The following FAM3D variants were observed in gnomAD, a reference collection of about 807,000 sequenced individuals.
FAM3D encodes the protein FAM3 metabolism regulating signaling molecule D, also known as protein FAM3D.
Under a neutral mutation model 29.8 loss-of-function variants are expected in FAM3D, and 26 were observed. That is an observed-to-expected ratio of 0.87 (90% confidence interval 0.64 to 1.21). The LOEUF (loss-of-function observed/expected upper bound fraction) is 1.21, where lower values mean the gene tolerates loss of function less well. FAM3D is among the 50% of genes most tolerant of loss of function. The probability of loss-of-function intolerance (pLI) is 0.00; values close to 1 mark genes in which losing one functional copy is unlikely to be tolerated. For missense variants in FAM3D, 253 were observed against 290.9 expected, an observed-to-expected ratio of 0.87 and a Z score of 0.95; for synonymous variants, 115 against 102.3, an observed-to-expected ratio of 1.12 and a Z score of -0.75.
At chr3:58,637,057 A>G (rs2066191170) in intron 8 of FAM3D, 84 bp downstream of exon 8, 5 of 1,198,796 alleles carry the variant, frequency 4.2e-6, no homozygotes, top group South Asian at 1.3e-5. Flanking sequence ...TGGATCTGGC[A>G]AAAGAGCAGA....
At chr3:58,645,837 C>G (rs2066463332) in intron 4 of FAM3D, among the ~76,000 whole-genome samples, 1 of 152,228 alleles carries the variant, frequency 6.6e-6, no homozygotes, top group Non-Finnish European at 1.5e-5. Flanking sequence ...GCACACAGGA[C>G]CAGCCCAGAA....
chr3:58,654,259 G>A (rs1202604602), intron 2 of FAM3D, among the ~76,000 whole-genome samples: 1 of 152,222 alleles, frequency 6.6e-6, no homozygotes, highest in Admixed American at 6.5e-5. Context: ...TCTCTGAGCT[G>A]AAGTCCTTCA....
intron 1 of FAM3D, among the ~76,000 whole-genome samples, 167 bp downstream of exon 1, chr3:58,666,409 C>CA (rs2067032832): frequency 6.6e-6 from 1 of 152,170 alleles, no homozygotes; most frequent in Non-Finnish European, 1.5e-5. Context: ...CTTCCTGAGT[C>CA]TGATCTCAGG....
At chr3:58,647,790 C>T (rs1559501634) in intron 4 of FAM3D, among the ~76,000 whole-genome samples, 1 of 152,194 alleles carries the variant, frequency 6.6e-6, no homozygotes, top group African/African-American at 2.4e-5. Context: ...AACCCTTGTG[C>T]TGTTGCTCAG....
At chr3:58,649,378 C>G (rs530287133) in intron 3 of FAM3D, 40 bp from the exon 4 acceptor site, 1 of 1,612,274 alleles carries the variant, frequency 6.2e-7, no homozygotes, top group East Asian at 2.2e-5. Context: ...AAAAGCACTT[C>G]GGACCCTCCT....
chr3:58,641,369 C>CT lies in FAM3D; in HGVS notation c.323-1193dup, dbSNP rs879476790. Among the ~76,000 whole-genome samples the CT allele has an allele frequency of 3.6e-3, 519 of 144,702 alleles. 4 individuals are homozygous for CT. Among genetic ancestry groups the CT allele is most frequent in the African/African-American group, 0.01 (411 of 39,618 alleles). 94.9% of individuals were successfully genotyped at this position (144,702 alleles called of 152,430 possible). On this transcript the variant is annotated intron_variant, in intron 6 of 9. Transcript: ENST00000358781. Reference sequence around the variant, plus strand: ...TGACCTTGGGCAAGTTGCTTAACCTCTTTTTTTTTTTTGGACAGGGTCTCT... The same window carrying CT: ...TGACCTTGGGCAAGTTGCTTAACCTCTTTTTTTTTTTTTGGACAGGGTCTCT...
chr3:58,666,261 T>A (rs180968558), intron 1 of FAM3D, among the ~76,000 whole-genome samples: 18 of 152,278 alleles, frequency 1.2e-4, no homozygotes, highest in Admixed American at 9.8e-4. Context: ...GCCCTACAGC[T>A]CCTTCTTGTG....
intron 7 of FAM3D, among the ~76,000 whole-genome samples, chr3:58,638,424 T>C (rs1023168709): frequency 6.6e-6 from 1 of 152,162 alleles, no homozygotes; most frequent in African/African-American, 2.4e-5. Context: ...ATCTGTCAAA[T>C]GAGGATGAGT....
chr3:58,657,349 G>A (rs2066833770), intron 1 of FAM3D, among the ~76,000 whole-genome samples: 1 of 151,780 alleles, frequency 6.6e-6, no homozygotes, highest in Admixed American at 6.6e-5. Context: ...CAGAGTTGAA[G>A]GGGGAGACGG....
rs1470710373 is a variant in FAM3D, at chr3:58,645,379, CA to C, written c.263+129del. ...CAATTATTGTTATTTGTGCCTCACA[CA>C]CCCAGAGTGAAAGGGAAGCTGTGGG... On this transcript the variant is annotated intron_variant, in intron 5 of 9. Coordinates refer to ENST00000358781, the MANE Select transcript of FAM3D (RefSeq NM_138805.3). 8.3e-6 allele frequency: 5 copies of C among 603,676 alleles called. No individual in the cohort carries two copies. The African/African-American group carries it at 9.1e-5, about 11-fold the overall frequency. 37.4% of individuals were successfully genotyped at this position (603,676 alleles called of 1,614,324 possible).
intron 1 of FAM3D, among the ~76,000 whole-genome samples, chr3:58,661,670 G>A (rs768773181): frequency 4.6e-5 from 7 of 152,168 alleles, no homozygotes; most frequent in Non-Finnish European, 1.0e-4. Flanking sequence ...ATGGGAGCGT[G>A]GACACAGTCC....
chr3:58,661,901 G>A (rs1166664940), intron 1 of FAM3D, among the ~76,000 whole-genome samples: 1 of 152,236 alleles, frequency 6.6e-6, no homozygotes, highest in Non-Finnish European at 1.5e-5. Flanking sequence ...AGAACAGGGT[G>A]TGCTCCACAT....
chr3:58,651,687 C>T lies in FAM3D; in HGVS notation c.121+1987G>A, dbSNP rs1215397406. ...TAATTACTGGGTCTCTTTTCAATTA[C>T]TGCCCCTCTCCCACCTCGGACTGGG... On this transcript the variant is annotated intron_variant, in intron 3 of 9. Coordinates refer to ENST00000358781, the MANE Select transcript of FAM3D (RefSeq NM_138805.3). Among the ~76,000 whole-genome samples, 3 of 152,228 alleles carry T rather than the reference C, an allele frequency of 2.0e-5. No individual in the cohort carries two copies. The South Asian group carries it at 6.2e-4, about 32-fold the overall frequency.
intron 1 of FAM3D, among the ~76,000 whole-genome samples, chr3:58,660,390 G>A (rs2066908341): frequency 6.6e-6 from 1 of 152,182 alleles, no homozygotes; most frequent in African/African-American, 2.4e-5. Context: ...AGGCCTGTGT[G>A]AAGGAATCAA....
At chr3:58,647,304 C>T (rs986847059) in intron 4 of FAM3D, among the ~76,000 whole-genome samples, 2 of 152,212 alleles carry the variant, frequency 1.3e-5, no homozygotes, top group Non-Finnish European at 2.9e-5. Flanking sequence ...GAGAGAGGGC[C>T]GGGCTGGGGG....
intron 1 of FAM3D, among the ~76,000 whole-genome samples, chr3:58,659,123 T>C (rs2066882711): frequency 6.6e-6 from 1 of 152,184 alleles, no homozygotes. Flanking sequence ...TATCTACCTG[T>C]CCTGGAAGGG....
At chr3:58,648,844 C>T (rs2066547747) in intron 4 of FAM3D, among the ~76,000 whole-genome samples, 1 of 152,206 alleles carries the variant, frequency 6.6e-6, no homozygotes, top group South Asian at 2.1e-4. Flanking sequence ...TCCACCCCAA[C>T]AGACAATCAG....
At chr3:58,643,624 C>G in intron 6 of FAM3D, 38 bp downstream of exon 6, 1 of 1,607,488 alleles carries the variant, frequency 6.2e-7, no homozygotes, top group Non-Finnish European at 8.5e-7. Flanking sequence ...CTCCCTGGTT[C>G]TGGGTGGGAA....
Position 58,636,390 on chromosome 3 carries a change from A to G in FAM3D, c.489T>C (p.Ser163=), listed in dbSNP as rs1372472640. The change falls in exon 9 of 10, where the codon TCT becomes TCC. Residue 163 remains serine, a synonymous_variant. Coordinates refer to ENST00000358781, the MANE Select transcript of FAM3D (RefSeq NM_138805.3). ...KMNDESRKLF[S]DLGSSYAKQL... is the part of the protein sequence containing the mutation. The stretch of plus-strand genomic sequence containing the variant: ...GTTTTGCGTAGGAACTCCCCAAGTC[A>G]GAGAAGAGTTTCCTGCTTTCATCGT... 4 of 1,614,096 alleles carry G rather than the reference A, an allele frequency of 2.5e-6. No individual in the cohort carries two copies. The highest frequency in any genetic ancestry group is 1.7e-6 in the Non-Finnish European group (2 of 1,180,040).
Sources: allele counts gnomAD v4.1 joint callset (sites outside exome capture counted in the v4.1 genomes callset), GRCh38; gene constraint gnomAD v4.1.1; transcripts MANE v1.5; gene names NCBI Gene and HGNC (gene_info 2026-07-23, HGNC 2026-07-21).